Variants in DYSF observed in about 807,000 individuals in gnomAD.
The protein encoded by DYSF is dystrophy-associated fer-1-like 1.
DYSF carries 212 observed loss-of-function variants against 274.9 expected under a neutral mutation model. That is an observed-to-expected ratio of 0.77 (90% confidence interval 0.69 to 0.86). The LOEUF (loss-of-function observed/expected upper bound fraction) is 0.86. Ranked by LOEUF, DYSF falls within the 40% of genes least tolerant of loss-of-function variation. The pLI is 0.00. For synonymous variants in DYSF, 1,091 were observed against 1,078.7 expected (o/e 1.01, Z -0.22); for missense variants, 2,666 against 2,783.2 (o/e 0.96, Z 0.95).
chr2:71,484,045 C>CTTTTT (rs59780652), intron 3 of DYSF, among the ~76,000 whole-genome samples: 25 of 67,590 alleles, frequency 3.7e-4, no homozygotes, highest in East Asian at 5.6e-4. Context: ...GGAGATTTCC[C>CTTTTT]TTTTTTTTTT....
At chr2:71,555,066 T>G (rs2091244855) in intron 21 of DYSF, among the ~76,000 whole-genome samples, 1 of 151,612 alleles carries the variant, frequency 6.6e-6, no homozygotes, top group Admixed American at 6.6e-5. Context: ...GAGGTGAGCA[T>G]GGCTTGAAGG....
intron 42 of DYSF, among the ~76,000 whole-genome samples, chr2:71,653,888 TAATC>T (rs1396042630): frequency 2.7e-5 from 4 of 149,824 alleles, no homozygotes; most frequent in African/African-American, 7.3e-5. Flanking sequence ...AAACATAAGA[TAATC>T]AAACGTAACC....
At chr2:71,459,454 G>A (rs2081197624) in intron 1 of DYSF, among the ~76,000 whole-genome samples, 1 of 152,174 alleles carries the variant, frequency 6.6e-6, no homozygotes, top group East Asian at 1.9e-4. Context: ...CTAAGATCAA[G>A]CTGGAGGGGA....
chr2:71,667,568 C>A (rs987757467), intron 48 of DYSF, 53 bp downstream of exon 48: 12 of 1,610,402 alleles, frequency 7.5e-6, no homozygotes, highest in Non-Finnish European at 9.3e-6. Context: ...AAAGCCCCAA[C>A]CCCAGGGACA....
intron 9 of DYSF, among the ~76,000 whole-genome samples, chr2:71,516,464 A>T (rs1261615132): frequency 6.6e-6 from 1 of 152,234 alleles, no homozygotes; most frequent in Non-Finnish European, 1.5e-5. Context: ...GTCAGGCTCT[A>T]CGGGTCACAG....
At position 71,492,708 on chromosome 2, in the gene DYSF, C is replaced by G. The variant is rs1019505974; in HGVS notation, c.240-10506C>G. 1.2e-4 allele frequency among the ~76,000 whole-genome samples: 16 copies of G among 137,632 alleles called. 1 individual carries two copies. The highest frequency in any genetic ancestry group is 4.8e-4 in the East Asian group (2 of 4,160). The allele number at this position is 137,632 out of a possible 152,430, so 90.3% of individuals were successfully genotyped here. A position where few individuals can be genotyped will look rare whatever the true frequency, so the allele number is the denominator to read the frequency against. On this transcript the variant is annotated intron_variant, in intron 3 of 55. Coordinates refer to ENST00000410020, the MANE Select transcript of DYSF (RefSeq NM_001130987.2). ...TATTATCTCCCTTCCTCCCCCCCCC[C>G]CTTTTCTTTCTCTCGTCTCTCCCTT...
At chr2:71,560,522 G>A (rs1374517212) in intron 22 of DYSF, among the ~76,000 whole-genome samples, 1 of 138,174 alleles carries the variant, frequency 7.2e-6, no homozygotes, top group East Asian at 2.0e-4. Context: ...ATTACTACAG[G>A]GTGTGCAGTA....
rs989225347 is a variant in DYSF, at chr2:71,570,142, G to T, written c.2980-87G>T. ...CCCTTCTGTCTGGGACTTGGAGGAC[G>T]TATGTTGTCAAGTTGCATCTTTTCT... On this transcript the variant is annotated intron_variant, in intron 27 of 55. Coordinates refer to ENST00000410020, the MANE Select transcript of DYSF (RefSeq NM_001130987.2). The T allele has an allele frequency of 3.2e-5, 40 of 1,262,876 alleles. 1 individual carries two copies. In the South Asian group the frequency reaches 4.5e-4, roughly 14 times the overall value. The allele number at this position is 1,262,876 out of a possible 1,614,324, so 78.2% of individuals were successfully genotyped here.
intron 4 of DYSF, among the ~76,000 whole-genome samples, chr2:71,508,725 C>T (rs1480683895): frequency 6.6e-6 from 1 of 152,226 alleles, no homozygotes; most frequent in Non-Finnish European, 1.5e-5. Context: ...ATTACACTAG[C>T]ATTTGCTGGG....
chr2:71,475,274 CTT>C (rs1558948059), intron 1 of DYSF, among the ~76,000 whole-genome samples: 1 of 152,216 alleles, frequency 6.6e-6, no homozygotes, highest in East Asian at 1.9e-4. Context: ...CTTCTATCCT[CTT>C]GTGAGGAAGT....
rs1300531195 is a variant in DYSF at position 71,643,114 on chromosome 2, C to A, written c.4528-851C>A. Among the ~76,000 whole-genome samples the A allele has an allele frequency of 2.6e-5, 4 of 152,042 alleles. No individual in the cohort carries two copies. In the East Asian group the frequency reaches 7.7e-4, roughly 29 times the overall value. The stretch of plus-strand genomic sequence containing the variant: ...CCCAGCTTCAGGGAGCTTGGTGACC[C>A]TCTAGGTGATAGGACACCCCACCTG... On this transcript the variant is annotated intron_variant, in intron 41 of 55. Coordinates refer to ENST00000410020, the MANE Select transcript of DYSF (RefSeq NM_001130987.2).
At chr2:71,565,726 G>A (rs561390315) in intron 24 of DYSF, among the ~76,000 whole-genome samples, 1 of 152,350 alleles carries the variant, frequency 6.6e-6, no homozygotes, top group African/African-American at 2.4e-5. Flanking sequence ...GCCTTGGGCA[G>A]GTTGCTTAAC....
intron 17 of DYSF, among the ~76,000 whole-genome samples, chr2:71,548,241 G>T (rs1216840514): frequency 6.6e-6 from 1 of 152,158 alleles, no homozygotes; most frequent in East Asian, 1.9e-4. Flanking sequence ...ACTCTGGATG[G>T]CCACGCTCCC....
intron 36 of DYSF, among the ~76,000 whole-genome samples, chr2:71,603,916 C>A (rs962315292): frequency 6.6e-6 from 1 of 152,176 alleles, no homozygotes; most frequent in Non-Finnish European, 1.5e-5. Context: ...GCTCAGATTC[C>A]GAGGGCAGGG....
In DYSF at chr2:71,520,277, G is replaced by GGA. The variant is rs2087113629; in HGVS notation, c.1033+70_1033+71insAG. On this transcript the variant is annotated intron_variant, in intron 11 of 55. Coordinates refer to ENST00000410020, the MANE Select transcript of DYSF (RefSeq NM_001130987.2). ...GGAGGCTGATTGGGGACACTCATTT[G>GGA]GGGTCCTCACTGTCCCTCCTGGGGG... is the stretch of plus-strand genomic sequence containing the variant. 4 of 1,524,784 alleles carry GGA rather than the reference G, an allele frequency of 2.6e-6. No individual in the cohort carries two copies. In the African/African-American group the frequency reaches 5.5e-5, roughly 21 times the overall value. The allele number at this position is 1,524,784 out of a possible 1,614,324, so 94.5% of individuals were successfully genotyped here. A position where few individuals can be genotyped will look rare whatever the true frequency, so the allele number is the denominator to read the frequency against.
intron 21 of DYSF, 121 bp downstream of exon 21, chr2:71,554,052 A>T: frequency 6.8e-7 from 1 of 1,478,998 alleles, no homozygotes; most frequent in Non-Finnish European, 9.4e-7. Context: ...GTGCCTACTG[A>T]CCTTTGTGGT....
At chr2:71,458,417 G>T (rs1301630672) in intron 1 of DYSF, among the ~76,000 whole-genome samples, 1 of 152,120 alleles carries the variant, frequency 6.6e-6, no homozygotes, top group Non-Finnish European at 1.5e-5. Flanking sequence ...TGCCAGGCTG[G>T]ACACAACAGG....
chr2:71,505,320 T>G (rs1379381354), intron 4 of DYSF, among the ~76,000 whole-genome samples: 4 of 152,174 alleles, frequency 2.6e-5, no homozygotes, highest in South Asian at 4.1e-4. Context: ...CATTGAGGGT[T>G]CTCGCTGGCC....
intron 3 of DYSF, among the ~76,000 whole-genome samples, chr2:71,487,583 A>G (rs976110382): frequency 6.6e-6 from 1 of 152,168 alleles, no homozygotes. Flanking sequence ...ATCTCGGCTC[A>G]CTGCAACCTC....
Sources: gnomAD v4.1 joint callset for allele counts (sites outside exome capture counted in the v4.1 genomes callset) on GRCh38, gnomAD v4.1.1 for gene constraint, MANE v1.5 for transcripts, NCBI Gene and HGNC (gene_info 2026-07-23, HGNC 2026-07-21) for gene names.